The following FRMPD2 variants were observed in gnomAD, a reference collection of about 807,000 sequenced individuals.
The protein encoded by FRMPD2 is FERM and PDZ domain containing 2, also known as FERM and PDZ domain-containing protein 2.
Under a neutral mutation model 140.1 loss-of-function variants are expected in FRMPD2, and 96 were observed. The observed-to-expected ratio is 0.69, with a 90% CI of 0.58 to 0.81. The LOEUF is 0.81. FRMPD2 is among the 40% of genes least tolerant of loss of function. The pLI is 0.00. For synonymous variants in FRMPD2, 449 were observed against 547.6 expected (o/e 0.82, Z 2.52); for missense variants, 1,240 against 1,447.4 (o/e 0.86, Z 2.32).
intron 12 of FRMPD2, among the ~76,000 whole-genome samples, chr10:48,221,460 A>G (rs1839584530): frequency 6.6e-6 from 1 of 152,186 alleles, no homozygotes; most frequent in South Asian, 2.1e-4. Flanking sequence ...ATGAGGGATA[A>G]AAGACTACAT....
chr10:48,220,587 T>C (rs1219272749), intron 12 of FRMPD2, among the ~76,000 whole-genome samples: 1 of 152,158 alleles, frequency 6.6e-6, no homozygotes, highest in Non-Finnish European at 1.5e-5. Flanking sequence ...GATAAATAGA[T>C]GGGTCTTAAT....
Position 48,222,490 on chromosome 10 carries a change from A to G in FRMPD2, c.1317-39T>C. On this transcript the variant is annotated intron_variant, in intron 11 of 28. Coordinates refer to ENST00000374201, the MANE Select transcript of FRMPD2 (RefSeq NM_001018071.4). Reference sequence around the variant, plus strand: ...AGCAATAAAAAGGGCTGGGTTGCTAAGGGAAAGGGAGAATGTTAGCACCAG... The same window carrying G: ...AGCAATAAAAAGGGCTGGGTTGCTAGGGGAAAGGGAGAATGTTAGCACCAG... 3 of 1,607,636 alleles carry G rather than the reference A, an allele frequency of 1.9e-6. No homozygotes were observed. In the South Asian group the frequency reaches 3.3e-5, roughly 18 times the overall value.
chr10:48,231,948 T>G (rs1839856113), intron 10 of FRMPD2, among the ~76,000 whole-genome samples, 167 bp downstream of exon 10: 1 of 152,218 alleles, frequency 6.6e-6, no homozygotes, highest in Non-Finnish European at 1.5e-5. Flanking sequence ...CTTGATGCTT[T>G]ATCCATGAGT....
intron 1 of FRMPD2, among the ~76,000 whole-genome samples, chr10:48,272,723 T>G (rs919781993): frequency 1.3e-5 from 2 of 152,204 alleles, no homozygotes; most frequent in African/African-American, 4.8e-5. Flanking sequence ...AGATTAAACC[T>G]AAAAGTGTGT....
chr10:48,208,109 T>C (rs1278975048), intron 13 of FRMPD2, among the ~76,000 whole-genome samples: 1 of 152,190 alleles, frequency 6.6e-6, no homozygotes. Context: ...TCAATATTTA[T>C]TGAGCGCTGG....
chr10:48,181,241 G>A (rs1408626912), intron 20 of FRMPD2, among the ~76,000 whole-genome samples: 5 of 152,276 alleles, frequency 3.3e-5, no homozygotes, highest in African/African-American at 4.8e-5. Context: ...CTATGAATGC[G>A]TAGGCTCAAA....
intron 3 of FRMPD2, among the ~76,000 whole-genome samples, chr10:48,248,347 C>T (rs370629063): frequency 7.2e-5 from 11 of 152,284 alleles, no homozygotes; most frequent in African/African-American, 2.6e-4. Context: ...CAAAAACCTC[C>T]ACTGATGTTG....
chr10:48,249,129 A>T lies in FRMPD2; in HGVS notation c.201T>A (p.Ala67=). The T allele has an allele frequency of 6.2e-7, 1 of 1,614,152 alleles. No homozygotes were observed. Among genetic ancestry groups the T allele is most frequent in the Non-Finnish European group, 8.5e-7 (1 of 1,180,004 alleles). Residue 67 remains alanine (A), a synonymous_variant, in exon 3 of 29, where the codon GCT becomes GCA. Coordinates refer to ENST00000374201, the MANE Select transcript of FRMPD2 (RefSeq NM_001018071.4). ...CACGGCCTTGGAAAGAAAGGCTTCCAGCTGCAGAAAGCAGGGCTGACCAGG... is the reference window on the plus strand; with the variant it reads ...CACGGCCTTGGAAAGAAAGGCTTCCTGCTGCAGAAAGCAGGGCTGACCAGG... ...VCPWSALLSA[A]GSLSFQGRVS...
chr10:48,192,208 T>C (rs1045438283), intron 16 of FRMPD2, among the ~76,000 whole-genome samples: 6 of 152,218 alleles, frequency 3.9e-5, no homozygotes, highest in African/African-American at 1.4e-4. Context: ...AGCCCATAGA[T>C]GGCCTTCTGT....
At chr10:48,159,410 C>A (rs1481022135) in intron 28 of FRMPD2, among the ~76,000 whole-genome samples, 5 of 151,436 alleles carry the variant, frequency 3.3e-5, no homozygotes, top group Non-Finnish European at 7.4e-5. Context: ...TAAAGAGAAT[C>A]CTGCTAGAGG....
At chr10:48,259,824 A>T (rs2131979753) in intron 1 of FRMPD2, among the ~76,000 whole-genome samples, 1 of 152,284 alleles carries the variant, frequency 6.6e-6, no homozygotes, top group Admixed American at 6.5e-5. Flanking sequence ...ACAGCAGATG[A>T]CAGCTAAAGA....
At position 48,206,788 on chromosome 10, in the gene FRMPD2, A is replaced by G. The variant is rs777707632; in HGVS notation, c.1757T>C (p.Leu586Ser). ...CCCGGTTTCTCTCCACTGAAACCGT[A>G]ACATTGCAATTCTGCTGTTGTTTTT... ...EVKNNSRIAM[L>S]RFQWRETGKI... The change falls in exon 14 of 29, where the codon TTA (leucine) becomes TCA (serine). Residue 586 changes from leucine (L) to serine (S), a missense_variant. Leu to Ser is a moderately radical substitution (Grantham distance 145). Around this residue, in one of 6 missense-constraint regions of FRMPD2, gnomAD observed 1,161 missense variants for 1,055.9 expected, o/e 1.10. Transcript: ENST00000374201. The G allele has an allele frequency of 3.1e-6, 5 of 1,614,126 alleles. No homozygotes were observed. In the East Asian group the frequency reaches 1.1e-4, roughly 36 times the overall value.
In FRMPD2 at chr10:48,206,846, T is replaced by A. The variant is rs887839836; in HGVS notation, c.1699A>T (p.Ile567Phe). The A allele has an allele frequency of 1.2e-6, 2 of 1,614,060 alleles. No homozygotes were observed. The highest frequency in any genetic ancestry group is 2.2e-5 in the East Asian group (1 of 44,880). The change falls in exon 14 of 29, where the codon ATC becomes TTC. Residue 567 changes from isoleucine (I) to phenylalanine (F), a missense_variant. This residue lies in a region of FRMPD2 where 1,161 missense variants were observed against 1,055.9 expected (regional missense o/e 1.10). Transcript: ENST00000374201. ...RRPEEEMALG[I>F]CAKGVIVYEV... is the part of the protein sequence containing the mutation. ...TAGACTATGACACCCTTGGCACAGA[T>A]CCCCAGGGCCATCTCCTCTTCTGGC... is the stretch of plus-strand genomic sequence containing the variant.
intron 4 of FRMPD2, among the ~76,000 whole-genome samples, chr10:48,243,783 G>A (rs1249099951): frequency 2.0e-5 from 3 of 152,118 alleles, no homozygotes; most frequent in South Asian, 2.1e-4. Context: ...GGAGAGGGTC[G>A]GGGTGAGTAG....
rs141007559 is a variant in FRMPD2 at position 48,204,165 on chromosome 10, C to T, written c.1797+2583G>A. Reference sequence around the variant, plus strand: ...CTGTACAGAGCCAGTAGCTGATCTACAGGAAGTTTTTGCACTCATCAGAAA... The same window carrying T: ...CTGTACAGAGCCAGTAGCTGATCTATAGGAAGTTTTTGCACTCATCAGAAA... On this transcript the variant is annotated intron_variant, in intron 14 of 28. Coordinates refer to ENST00000374201, the MANE Select transcript of FRMPD2 (RefSeq NM_001018071.4). Among the ~76,000 whole-genome samples the T allele has an allele frequency of 6.5e-4, 99 of 152,242 alleles. 1 individual carries two copies. The East Asian group carries it at 0.015, about 22-fold the overall frequency.
intron 14 of FRMPD2, among the ~76,000 whole-genome samples, chr10:48,202,627 C>T (rs548487772): frequency 1.5e-4 from 23 of 152,266 alleles, no homozygotes; most frequent in African/African-American, 3.4e-4. Context: ...GATGCTGCTC[C>T]GCCAGTCGTA....
rs761642698 is a variant in FRMPD2 at position 48,238,051 on chromosome 10, T to C, written c.861A>G (p.Ala287=). 1.3e-5 allele frequency: 21 copies of C among 1,614,014 alleles called. No individual in the cohort carries two copies. Among genetic ancestry groups the C allele is most frequent in the Non-Finnish European group, 4.2e-6 (5 of 1,180,040 alleles). Reference sequence around the variant, plus strand: ...GAGTTGTTGGCCATGAGCTGTCTGCTGCCGAGTGCACAGATCCAGAGCTGA... The same window carrying C: ...GAGTTGTTGGCCATGAGCTGTCTGCCGCCGAGTGCACAGATCCAGAGCTGA... ...RRLSSGSVHS[A]ADSSWPTTPS... is the part of the protein sequence containing the mutation. The change falls in exon 8 of 29, where the codon GCA becomes GCG. Residue 287 remains alanine (A), a synonymous_variant. Transcript: ENST00000374201.
intron 7 of FRMPD2, 47 bp downstream of exon 7, chr10:48,239,558 T>TTGATGTG: frequency 1.4e-6 from 2 of 1,386,954 alleles, no homozygotes; most frequent in Non-Finnish European, 2.0e-6. Flanking sequence ...CCCCCACACC[T>TTGATGTG]ATGTCTCACA....
At chr10:48,262,750 T>A (rs923075632) in intron 1 of FRMPD2, among the ~76,000 whole-genome samples, 6 of 152,140 alleles carry the variant, frequency 3.9e-5, no homozygotes, top group African/African-American at 1.4e-4. Context: ...GCCATAAACT[T>A]TATTGATTTA....
Sources: allele counts gnomAD v4.1 joint callset (sites outside exome capture counted in the v4.1 genomes callset), GRCh38; gene constraint gnomAD v4.1.1; regional missense constraint gnomAD v4.1.1; transcripts MANE v1.5; gene names NCBI Gene and HGNC (gene_info 2026-07-23, HGNC 2026-07-21).